Variants in ANK3 observed in about 807,000 individuals in gnomAD.
ANK3 encodes ankyrin 3, also known as ankyrin-3.
Under a neutral mutation model 370.9 loss-of-function variants are expected in ANK3, and 57 were observed. That is an observed-to-expected ratio of 0.15 (90% CI 0.12 to 0.19). ANK3 has a LOEUF of 0.19. Among genes scored for constraint, ANK3 ranks in the 10% least tolerant of loss-of-function variants. The pLI is 1.00. For missense variants in ANK3, 4,439 were observed against 5,302.1 expected, an observed-to-expected ratio of 0.84 and a Z score of 5.06; for synonymous variants, 1,929 against 1,946.3, an observed-to-expected ratio of 0.99 and a Z score of 0.23.
intron 2 of ANK3, among the ~76,000 whole-genome samples, chr10:60,601,623 CT>C (rs2078065755): frequency 6.6e-6 from 1 of 151,962 alleles, no homozygotes; most frequent in South Asian, 2.1e-4. Context: ...TATAGGAGAC[CT>C]GGATAATGGG....
At chr10:60,421,567 C>T (rs1302740549) in intron 2 of ANK3, among the ~76,000 whole-genome samples, 1 of 151,884 alleles carries the variant, frequency 6.6e-6, no homozygotes, top group Non-Finnish European at 1.5e-5. Flanking sequence ...CGCACAATTA[C>T]TGCCAGAAGG....
rs1205250405 is a variant in ANK3, at chr10:60,080,559, G to C, written c.4410C>G (p.Ser1470Arg). ...FASLALRKRY[S>R]YLTEPGMIER... The stretch of plus-strand genomic sequence containing the variant: ...CACTCATTCCAGGCTCAGTCAAGTA[G>C]CTGTAGCGCTTACGTAAAGCTAAGG... Residue 1470 changes from serine (S) to arginine (R), a missense_variant, in exon 36 of 44, where the codon AGC (serine) becomes AGG (arginine). By Grantham distance (110) the Ser-to-Arg change is moderately radical. Transcript: ENST00000280772. The C allele has an allele frequency of 6.2e-7, 1 of 1,612,414 alleles. No homozygotes were observed. Among genetic ancestry groups the C allele is most frequent in the African/African-American group, 1.3e-5 (1 of 74,786 alleles).
At chr10:60,326,886 T>G (rs942698050) in intron 1 of ANK3, among the ~76,000 whole-genome samples, 3 of 151,704 alleles carry the variant, frequency 2.0e-5, no homozygotes, top group African/African-American at 2.4e-5. Context: ...TCGGGTGCGG[T>G]GCGGGCGCCT....
intron 2 of ANK3, among the ~76,000 whole-genome samples, chr10:60,460,821 T>C (rs1351559773): frequency 2.0e-5 from 3 of 152,198 alleles, no homozygotes; most frequent in Non-Finnish European, 4.4e-5. Flanking sequence ...ACACTTCAAT[T>C]ATTGCTGAAT....
intron 36 of ANK3, among the ~76,000 whole-genome samples, chr10:60,078,420 A>G (rs11598435): frequency 1.2e-3 from 183 of 152,324 alleles, no homozygotes; most frequent in Non-Finnish European, 2.1e-3. Context: ...AGGTTTGCAG[A>G]TTCCTTCAAA....
chr10:60,626,652 G>T (rs1867080), intron 1 of ANK3, among the ~76,000 whole-genome samples: 62,936 of 151,846 alleles, frequency 0.41, 13,651 homozygotes, highest in African/African-American at 0.54. Context: ...TAATTACATT[G>T]AATTCACAGT....
intron 2 of ANK3, among the ~76,000 whole-genome samples, chr10:60,513,826 C>G (rs1410828130): frequency 6.6e-6 from 1 of 152,084 alleles, no homozygotes; most frequent in Non-Finnish European, 1.5e-5. Context: ...TTAAAATAGC[C>G]TTACATATAA....
chr10:60,617,194 T>C (rs116089886), intron 1 of ANK3, among the ~76,000 whole-genome samples: 8 of 152,308 alleles, frequency 5.3e-5, no homozygotes, highest in African/African-American at 1.9e-4. Flanking sequence ...AATCATTTAC[T>C]TGGGGATGTC....
chr10:60,311,126 T>G (rs903498929), intron 1 of ANK3, among the ~76,000 whole-genome samples: 6 of 152,174 alleles, frequency 3.9e-5, no homozygotes, highest in African/African-American at 1.2e-4. Flanking sequence ...GTTGTTCAAT[T>G]ACAAAGACTT....
chr10:60,106,108 A>T, intron 27 of ANK3, 49 bp from the exon 28 acceptor site: 1 of 1,473,664 alleles, frequency 6.8e-7, no homozygotes, highest in Admixed American at 2.3e-5. Flanking sequence ...ATATATTTAT[A>T]GTATCATACT....
chr10:60,334,991 A>G (rs1429076542), intron 1 of ANK3, among the ~76,000 whole-genome samples: 1 of 152,092 alleles, frequency 6.6e-6, no homozygotes, highest in Non-Finnish European at 1.5e-5. Context: ...CCTTATATTT[A>G]TATTCCCACT....
At chr10:60,288,225 G>A (rs530522355) in intron 1 of ANK3, among the ~76,000 whole-genome samples, 1 of 152,200 alleles carries the variant, frequency 6.6e-6, no homozygotes, top group East Asian at 1.9e-4. Context: ...TAAATTCTGG[G>A]TCCAGCTCAA....
At chr10:60,099,430 C>A (rs1052412332) in intron 28 of ANK3, among the ~76,000 whole-genome samples, 1 of 152,134 alleles carries the variant, frequency 6.6e-6, no homozygotes, top group Non-Finnish European at 1.5e-5. Flanking sequence ...TATCAAAGTT[C>A]AAAGTTGCAG....
intron 1 of ANK3, among the ~76,000 whole-genome samples, chr10:60,623,689 G>A (rs1595359266): frequency 6.6e-6 from 1 of 152,232 alleles, no homozygotes; most frequent in East Asian, 1.9e-4. Flanking sequence ...GACTGGAGAG[G>A]GAAGTAGATG....
chr10:60,655,176 C>G (rs941522518), intron 1 of ANK3, among the ~76,000 whole-genome samples: 7 of 150,936 alleles, frequency 4.6e-5, no homozygotes, highest in Non-Finnish European at 8.8e-5. Flanking sequence ...ACTTTTTAAT[C>G]ATCATTTTAG....
chr10:60,327,221 G>A (rs184913399), intron 1 of ANK3, among the ~76,000 whole-genome samples: 260 of 152,224 alleles, frequency 1.7e-3, no homozygotes, highest in African/African-American at 5.9e-3. Flanking sequence ...CTATTCTTTC[G>A]TAGGTTCTTG....
intron 2 of ANK3, among the ~76,000 whole-genome samples, chr10:60,485,860 C>T (rs1215104729): frequency 6.6e-6 from 1 of 151,806 alleles, no homozygotes; most frequent in East Asian, 1.9e-4. Context: ...TAAAGTAATA[C>T]ATTGAAAAAC....
Position 60,236,464 on chromosome 10 carries a change from T to C in ANK3, c.799-1678A>G, listed in dbSNP as rs567732071. 8.5e-5 allele frequency among the ~76,000 whole-genome samples: 13 copies of C among 152,196 alleles called. No homozygotes were observed. The South Asian group carries it at 1.2e-3, about 15-fold the overall frequency. On this transcript the variant is annotated intron_variant, in intron 7 of 43. Coordinates refer to ENST00000280772, the MANE Select transcript of ANK3 (RefSeq NM_020987.5). ...CCACAGCTCCTCTATCCCACCTTTT[T>C]CCCCCCGTGTTCATTTATTTATTGA...
At chr10:60,379,822 TTAA>T (rs1334220447) in intron 1 of ANK3, among the ~76,000 whole-genome samples, 1 of 152,134 alleles carries the variant, frequency 6.6e-6, no homozygotes, top group African/African-American at 2.4e-5. Flanking sequence ...ATGACTACAG[TTAA>T]TAATATATAG....
Sources: gnomAD v4.1 joint callset for allele counts (sites outside exome capture counted in the v4.1 genomes callset) on GRCh38, gnomAD v4.1.1 for gene constraint, MANE v1.5 for transcripts, NCBI Gene and HGNC (gene_info 2026-07-23, HGNC 2026-07-21) for gene names.